ABCA13: variants seen among roughly 807,000 people sequenced by gnomAD.
The protein encoded by ABCA13 is ATP-binding cassette sub-family A member 13.
Under a neutral mutation model 478.7 loss-of-function variants are expected in ABCA13, and 476 were observed. The observed-to-expected ratio is 0.99, with a 90% CI of 0.92 to 1.07. The LOEUF is 1.07. Among genes scored for constraint, ABCA13 ranks in the 50% least tolerant of loss-of-function variants. ABCA13 has a pLI of 0.00. For synonymous variants in ABCA13, 2,252 were observed against 2,158.9 expected (o/e 1.04, Z -1.20); for missense variants, 6,060 against 5,910.6 (o/e 1.03, Z -0.83).
intron 58 of ABCA13, among the ~76,000 whole-genome samples, chr7:48,610,653 G>T (rs1017145132): frequency 2.0e-5 from 3 of 152,218 alleles, no homozygotes; most frequent in African/African-American, 7.2e-5. Flanking sequence ...GGACAGCCAG[G>T]TGTTTCCATA....
intron 54 of ABCA13, among the ~76,000 whole-genome samples, chr7:48,525,670 CTT>C (rs538127881): frequency 0.29 from 19,413 of 67,588 alleles, 1,955 homozygotes; most frequent in East Asian, 0.42. Flanking sequence ...TTTAGATGCG[CTT>C]TTTTTTTTTT....
intron 42 of ABCA13, among the ~76,000 whole-genome samples, chr7:48,433,082 T>C (rs2129146785): frequency 6.6e-6 from 1 of 152,144 alleles, no homozygotes; most frequent in African/African-American, 2.4e-5. Context: ...TAATTTTTAT[T>C]TGTCAACTAT....
intron 55 of ABCA13, among the ~76,000 whole-genome samples, chr7:48,569,324 C>T (rs1787382227): frequency 6.6e-6 from 1 of 152,086 alleles, no homozygotes; most frequent in African/African-American, 2.4e-5. Flanking sequence ...TGTTTTCATT[C>T]ATCTCAAAGT....
chr7:48,274,001 A>C lies in ABCA13; in HGVS notation c.4335A>C (p.Lys1445Asn), dbSNP rs1795964850. 1 of 1,608,170 alleles carries C rather than the reference A, an allele frequency of 6.2e-7. No individual in the cohort carries two copies. Among genetic ancestry groups the C allele is most frequent in the Non-Finnish European group, 8.5e-7 (1 of 1,176,044 alleles). Residue 1445 changes from lysine to asparagine, a missense_variant, in exon 17 of 62, where the codon AAA (lysine) becomes AAC (asparagine). This residue lies in a region of ABCA13 where 4,423 missense variants were observed against 4,309.1 expected (regional missense o/e 1.03). Transcript: ENST00000435803. Reference protein sequence around the residue: ...LKIVTWVLNIKKPLCSSNGSH... With the variant: ...LKIVTWVLNINKPLCSSNGSH... Reference sequence around the variant, plus strand: ...TTGTAACTTGGGTGTTAAATATAAAAAAACCTCTTTGTTCATCAAATGGCT... The same window carrying C: ...TTGTAACTTGGGTGTTAAATATAAACAAACCTCTTTGTTCATCAAATGGCT...
chr7:48,570,317 C>CTTT (rs1460427427), intron 55 of ABCA13, among the ~76,000 whole-genome samples: 1 of 133,676 alleles, frequency 7.5e-6, no homozygotes, highest in South Asian at 2.3e-4. Flanking sequence ...TTTTTGCATC[C>CTTT]TCTTTTTTTT....
At chr7:48,310,315 A>G (rs1801583276) in intron 24 of ABCA13, among the ~76,000 whole-genome samples, 174 bp downstream of exon 24, 1 of 152,156 alleles carries the variant, frequency 6.6e-6, no homozygotes, top group African/African-American at 2.4e-5. Flanking sequence ...GTGGGGCTCA[A>G]GAAGACTTTG....
intron 59 of ABCA13, among the ~76,000 whole-genome samples, chr7:48,629,557 G>A (rs1258438625): frequency 2.0e-4 from 13 of 65,938 alleles, no homozygotes; most frequent in African/African-American, 7.4e-4. Context: ...AATTCCTAAA[G>A]CATCAGTTAC....
intron 42 of ABCA13, among the ~76,000 whole-genome samples, chr7:48,439,912 G>A (rs1254066515): frequency 6.6e-6 from 1 of 152,086 alleles, no homozygotes; most frequent in Non-Finnish European, 1.5e-5. Flanking sequence ...AAGGGGAGGG[G>A]ATTGTACATG....
intron 59 of ABCA13, among the ~76,000 whole-genome samples, chr7:48,618,849 G>A (rs1295017866): frequency 6.6e-6 from 1 of 152,314 alleles, no homozygotes; most frequent in South Asian, 2.1e-4. Context: ...ATTTGAAAAA[G>A]TGAATTTATT....
At chr7:48,361,522 T>A (rs1303834607) in intron 31 of ABCA13, among the ~76,000 whole-genome samples, 1 of 151,888 alleles carries the variant, frequency 6.6e-6, no homozygotes, top group African/African-American at 2.4e-5. Flanking sequence ...TCATCTAACT[T>A]TTTCTGCTTT....
intron 15 of ABCA13, among the ~76,000 whole-genome samples, chr7:48,254,850 T>G (rs1793149539): frequency 1.3e-5 from 2 of 152,198 alleles, no homozygotes; most frequent in Admixed American, 1.3e-4. Context: ...GTTTCTTTCC[T>G]AGTCTTGTGA....
intron 38 of ABCA13, among the ~76,000 whole-genome samples, chr7:48,393,934 G>A (rs1295293106): frequency 6.6e-6 from 1 of 152,182 alleles, no homozygotes; most frequent in Non-Finnish European, 1.5e-5. Flanking sequence ...CCTGCCTGCT[G>A]TCGGCTTCTT....
At chr7:48,383,193 A>G (rs766343816) in intron 35 of ABCA13, among the ~76,000 whole-genome samples, 9 of 152,222 alleles carry the variant, frequency 5.9e-5, no homozygotes, top group South Asian at 2.1e-4. Context: ...TACAACTAAT[A>G]AAGAGTAATG....
In ABCA13 at chr7:48,364,623, AT is replaced by A. The variant is rs199842685; in HGVS notation, c.10689-3167del. Among the ~76,000 whole-genome samples, 1,065 of 152,230 alleles carry A rather than the reference AT, an allele frequency of 7.0e-3. 8 individuals are homozygous for A. The highest frequency in any genetic ancestry group is 0.012 in the Admixed American group (178 of 15,282). Reference sequence around the variant, plus strand: ...CTCTACTTTCTACCTCAATGAGTTCATTTTATTTTTAGCTCCCACGTATGAG... The same window carrying A: ...CTCTACTTTCTACCTCAATGAGTTCATTTATTTTTAGCTCCCACGTATGAG... On this transcript the variant is annotated intron_variant, in intron 31 of 61. Transcript: ENST00000435803.
At chr7:48,173,976 G>A (rs1231381330) in intron 1 of ABCA13, among the ~76,000 whole-genome samples, 1 of 152,134 alleles carries the variant, frequency 6.6e-6, no homozygotes, top group African/African-American at 2.4e-5. Context: ...TGCACAGTTG[G>A]GTTAGAACAG....
intron 55 of ABCA13, among the ~76,000 whole-genome samples, chr7:48,560,005 C>T (rs761013260): frequency 6.6e-6 from 1 of 152,164 alleles, no homozygotes; most frequent in Non-Finnish European, 1.5e-5. Context: ...GCAAGAACTT[C>T]CTTAGCTGAC....
At chr7:48,644,136 G>A (rs906011405) in intron 60 of ABCA13, among the ~76,000 whole-genome samples, 2 of 152,110 alleles carry the variant, frequency 1.3e-5, no homozygotes, top group African/African-American at 4.8e-5. Context: ...GCTCAATTAT[G>A]ACTCTGAGTC....
rs776726807 is a variant in ABCA13, at chr7:48,274,228, A to T, written c.4562A>T (p.Tyr1521Phe). ...FDFASQSNWR[Y>F]FTELILRPIE... ...TTTGCATCTCAGTCCAATTGGAGAT[A>T]TTTTACTGAATTAATTCTAAGACCA... Residue 1521 changes from tyrosine (Y) to phenylalanine (F), a missense_variant, in exon 17 of 62, where the codon TAT becomes TTT. This residue lies in a region of ABCA13 where 4,423 missense variants were observed against 4,309.1 expected (regional missense o/e 1.03). Transcript: ENST00000435803. 1 of 1,613,134 alleles carries T rather than the reference A, an allele frequency of 6.2e-7. No individual in the cohort carries two copies. The highest frequency in any genetic ancestry group is 1.7e-5 in the Admixed American group (1 of 59,902).
chr7:48,259,719 T>C (rs924557954), intron 15 of ABCA13, among the ~76,000 whole-genome samples: 2 of 89,486 alleles, frequency 2.2e-5, no homozygotes, highest in African/African-American at 7.2e-5. Context: ...TATACTTAAG[T>C]GTTTTTTTTT....
Sources: gnomAD v4.1 joint callset for allele counts (sites outside exome capture counted in the v4.1 genomes callset) on GRCh38, gnomAD v4.1.1 for gene constraint, gnomAD v4.1.1 regional missense constraint, MANE v1.5 for transcripts, NCBI Gene and HGNC (gene_info 2026-07-23, HGNC 2026-07-21) for gene names.